Variants in OTUD7B observed in about 807,000 individuals in gnomAD.
The protein encoded by OTUD7B is OTU domain-containing protein 7B.
OTUD7B carries 34 observed loss-of-function variants against 82.2 expected under a neutral mutation model. The observed-to-expected ratio is 0.41, with a 90% confidence interval of 0.31 to 0.55. OTUD7B has a LOEUF of 0.55. Ranked by LOEUF, OTUD7B falls within the 20% of genes least tolerant of loss-of-function variation. The probability of loss-of-function intolerance (pLI) is 0.20; values close to 1 mark genes in which losing one functional copy is unlikely to be tolerated. For missense variants in OTUD7B, 944 were observed against 1,062.1 expected (o/e 0.89, Z 1.55); for synonymous variants, 398 against 402.7 (o/e 0.99, Z 0.14).
intron 7 of OTUD7B, among the ~76,000 whole-genome samples, chr1:149,954,993 A>G (rs587597177): frequency 6.6e-6 from 1 of 152,310 alleles, no homozygotes; most frequent in African/African-American, 2.4e-5. Context: ...TCAAAAAACC[A>G]GCTCCTGGAT....
chr1:149,954,053 G>C (rs1367220526), intron 7 of OTUD7B, among the ~76,000 whole-genome samples: 1 of 152,106 alleles, frequency 6.6e-6, no homozygotes, highest in African/African-American at 2.4e-5. Flanking sequence ...TCTCCTGCCT[G>C]ATTGCCCTGG....
chr1:150,018,918 C>G, the OTUD7B span, among the ~76,000 whole-genome samples: 1 of 152,128 alleles, frequency 6.6e-6, no homozygotes, highest in Non-Finnish European at 1.5e-5. Context: ...GGCCTTTATG[C>G]AGCAAACAGC....
the OTUD7B span, among the ~76,000 whole-genome samples, chr1:150,018,527 C>T: frequency 6.6e-6 from 1 of 152,218 alleles, no homozygotes; most frequent in South Asian, 2.1e-4. Flanking sequence ...TATCTAGACC[C>T]TCTATATGAG....
At chr1:150,008,076 G>A (rs1652784886) in intron 1 of OTUD7B, among the ~76,000 whole-genome samples, 1 of 152,136 alleles carries the variant, frequency 6.6e-6, no homozygotes, top group Non-Finnish European at 1.5e-5. Flanking sequence ...TACTTATTTT[G>A]GTTACATACA....
the OTUD7B span, among the ~76,000 whole-genome samples, chr1:150,031,206 C>T: frequency 6.6e-6 from 1 of 152,176 alleles, no homozygotes; most frequent in Non-Finnish European, 1.5e-5. Context: ...TGAAAGAGCA[C>T]GATGCCACCA....
intron 1 of OTUD7B, among the ~76,000 whole-genome samples, chr1:149,997,940 C>A (rs1553783743): frequency 6.6e-6 from 1 of 152,154 alleles, no homozygotes; most frequent in Admixed American, 6.5e-5. Context: ...GGCATGCAAA[C>A]ATAAACCAGT....
rs755749749 is a variant in OTUD7B at position 149,941,849 on chromosome 1, G to A, written c.*2008C>T. ...CCCTTAAATTTTGCAACTTAGGGGA[G>A]TGCTCATCTCATACCAGGTTCCAGA... is the stretch of plus-strand genomic sequence containing the variant. On this transcript the variant is annotated 3_prime_UTR_variant, in exon 12 of 12. Transcript: ENST00000581312. 1.3e-5 allele frequency: 2 copies of A among 152,084 alleles called. No individual in the cohort carries two copies. The highest frequency in any genetic ancestry group is 4.8e-5 in the African/African-American group (2 of 41,400). The allele number at this position is 152,084 out of a possible 1,614,324, so 9.4% of individuals were successfully genotyped here. A position where few individuals can be genotyped will look rare whatever the true frequency, so the allele number is the denominator to read the frequency against.
chr1:149,994,605 A>C (rs1168168614), intron 1 of OTUD7B, among the ~76,000 whole-genome samples: 2 of 145,100 alleles, frequency 1.4e-5, no homozygotes, highest in African/African-American at 5.1e-5. Flanking sequence ...AAAAAAAAAA[A>C]ACCCAATTTT....
chr1:150,003,602 T>C (rs1187640344), intron 1 of OTUD7B, among the ~76,000 whole-genome samples: 2 of 152,162 alleles, frequency 1.3e-5, no homozygotes, highest in African/African-American at 4.8e-5. Context: ...TATCTATATA[T>C]TTACATATCT....
At chr1:149,948,177 C>G (rs1266106985) in intron 10 of OTUD7B, among the ~76,000 whole-genome samples, 1 of 150,104 alleles carries the variant, frequency 6.7e-6, no homozygotes, top group Non-Finnish European at 1.5e-5. Flanking sequence ...TGTGGTTTCT[C>G]CATGTTGGCC....
chr1:149,981,362 C>A (rs1650719449), intron 1 of OTUD7B, among the ~76,000 whole-genome samples: 1 of 152,150 alleles, frequency 6.6e-6, no homozygotes, highest in Non-Finnish European at 1.5e-5. Flanking sequence ...GACCTCATTA[C>A]TTTGCTATAA....
chr1:150,047,602 G>A, the OTUD7B span: 2 of 152,094 alleles, frequency 1.3e-5, no homozygotes, highest in African/African-American at 2.4e-5. Flanking sequence ...AGTAACCAGT[G>A]TCAAGAACTA....
intron 1 of OTUD7B, among the ~76,000 whole-genome samples, chr1:150,007,035 C>T (rs1652715480): frequency 6.6e-6 from 1 of 152,106 alleles, no homozygotes; most frequent in South Asian, 2.1e-4. Context: ...CTTCTGAGTC[C>T]CCTCCACCCT....
chr1:150,026,301 A>G, the OTUD7B span, among the ~76,000 whole-genome samples: 1 of 152,246 alleles, frequency 6.6e-6, no homozygotes, highest in Non-Finnish European at 1.5e-5. Flanking sequence ...AAATTCTTTT[A>G]CTAAGAAAGA....
chr1:149,950,017 C>A, intron 8 of OTUD7B, 77 bp downstream of exon 8: 1 of 1,574,584 alleles, frequency 6.4e-7, no homozygotes, highest in Non-Finnish European at 8.6e-7. Flanking sequence ...CCTTTCCTGC[C>A]TTCCTTCCAA....
the OTUD7B span, chr1:150,066,919 G>A: frequency 6.6e-6 from 1 of 152,216 alleles, no homozygotes; most frequent in African/African-American, 2.4e-5. This position sits in a 1 kb window ranked among gnomAD's most constrained non-coding sequence, Gnocchi z 4.6. Flanking sequence ...TAGTTCTACC[G>A]GATACGTGTC....
intron 7 of OTUD7B, among the ~76,000 whole-genome samples, chr1:149,956,229 G>C (rs1291877811): frequency 6.6e-6 from 1 of 152,092 alleles, no homozygotes; most frequent in Non-Finnish European, 1.5e-5. Context: ...AGGCAGGCCT[G>C]GTGGTGACAA....
At position 149,945,921 on chromosome 1, in the gene OTUD7B, G is replaced by A. The variant is rs145490399; in HGVS notation, c.1324-856C>T. Among the ~76,000 whole-genome samples, 842 of 151,960 alleles carry A rather than the reference G, an allele frequency of 5.5e-3. 6 individuals are homozygous for A. The highest frequency in any genetic ancestry group is 0.019 in the African/African-American group (792 of 41,412). On this transcript the variant is annotated intron_variant, in intron 11 of 11. Coordinates refer to ENST00000581312, the MANE Select transcript of OTUD7B (RefSeq NM_020205.4). ...ACTAAAAATACAAAATTAGCCGGACGTGGTGGTGCATGTCTGTAATCCCAG... is the reference window on the plus strand; with the variant it reads ...ACTAAAAATACAAAATTAGCCGGACATGGTGGTGCATGTCTGTAATCCCAG...
At chr1:150,032,168 T>TG in the OTUD7B span, among the ~76,000 whole-genome samples, 1 of 151,538 alleles carries the variant, frequency 6.6e-6, no homozygotes, top group Non-Finnish European at 1.5e-5. Context: ...AAAAATTAGC[T>TG]GGGCATTGTA....
Sources: allele counts gnomAD v4.1 joint callset (sites outside exome capture counted in the v4.1 genomes callset), GRCh38; gene constraint gnomAD v4.1.1; non-coding constraint Gnocchi (gnomAD v3.1); transcripts MANE v1.5; gene names NCBI Gene and HGNC (gene_info 2026-07-23, HGNC 2026-07-21).